ARRB2: variants seen among roughly 807,000 people sequenced by gnomAD.
ARRB2 encodes the protein beta-arrestin-2.
In ARRB2, 21 loss-of-function variants were observed where a neutral mutation model predicts 53.4. That is an observed-to-expected ratio of 0.39 (90% CI 0.28 to 0.57). The LOEUF (loss-of-function observed/expected upper bound fraction) is 0.57, where lower values mean the gene tolerates loss of function less well. Among genes scored for constraint, ARRB2 ranks in the 20% least tolerant of loss-of-function variants. ARRB2 has a pLI of 0.55. For missense variants in ARRB2, 369 were observed against 527.5 expected (o/e 0.70, Z 2.94); for synonymous variants, 180 against 212.9 (o/e 0.85, Z 1.34).
chr17:4,719,656 C>T (rs1416717727), intron 11 of ARRB2, among the ~76,000 whole-genome samples: 2 of 151,928 alleles, frequency 1.3e-5, no homozygotes, highest in South Asian at 2.1e-4. Context: ...CAGTGAGGTG[C>T]GAAGGTGAAT....
Position 4,720,430 on chromosome 17 carries a change from C to T in ARRB2, c.1039C>T (p.Pro347Ser). 1 of 1,613,752 alleles carries T rather than the reference C, an allele frequency of 6.2e-7. No homozygotes were observed. The highest frequency in any genetic ancestry group is 8.5e-7 in the Non-Finnish European group (1 of 1,179,880). Residue 347 changes from proline to serine, a missense_variant, in exon 13 of 15, where the codon CCC (proline) becomes TCC (serine). By Grantham distance (74) the Pro-to-Ser change is moderately conservative. Coordinates refer to ENST00000269260, the MANE Select transcript of ARRB2 (RefSeq NM_004313.4). Reference protein sequence around the residue: ...SVELPFVLMHPKPHDHIPLPR... With the variant: ...SVELPFVLMHSKPHDHIPLPR... Reference sequence around the variant, plus strand: ...GGAGCTGCCTTTTGTTCTTATGCACCCCAAGCCCCACGACCACATCCCCCT... The same window carrying T: ...GGAGCTGCCTTTTGTTCTTATGCACTCCAAGCCCCACGACCACATCCCCCT...
At position 4,717,546 on chromosome 17, in the gene ARRB2, A is replaced by G; in HGVS notation, c.418-139A>G. On this transcript the variant is annotated intron_variant, in intron 6 of 14. Transcript: ENST00000269260. The surrounding 1 kb of genome is among the most constrained non-coding windows in gnomAD (Gnocchi z 6.0). ...TGCCAGGTTCTGGGCTTTGGAGAGG[A>G]AGAAGACTTAGTCCCCAGGGTCGTG... 5.1e-6 allele frequency: 6 copies of G among 1,184,286 alleles called. No individual in the cohort carries two copies. Among genetic ancestry groups the G allele is most frequent in the Non-Finnish European group, 6.1e-6 (5 of 818,398 alleles). The allele number at this position is 1,184,286 out of a possible 1,614,324, so 73.4% of individuals were successfully genotyped here.
intron 4 of ARRB2, 74 bp downstream of exon 4, chr17:4,716,265 C>T (rs1032058672): frequency 2.2e-5 from 36 of 1,607,966 alleles, no homozygotes; most frequent in Middle Eastern, 1.8e-4. Flanking sequence ...CTTGGAAGGG[C>T]GCCCCAGAGA....
At position 4,717,833 on chromosome 17, in the gene ARRB2, G is replaced by C; in HGVS notation, c.486-55G>C. ...GGAGCCCAGGCCCCGTGCGGGGGAGGAGTAGGGTTGGGGTGTGTGAGGAAT... is the reference window on the plus strand; with the variant it reads ...GGAGCCCAGGCCCCGTGCGGGGGAGCAGTAGGGTTGGGGTGTGTGAGGAAT... On this transcript the variant is annotated intron_variant, in intron 7 of 14. Transcript: ENST00000269260. The surrounding 1 kb of genome is among the most constrained non-coding windows in gnomAD (Gnocchi z 6.0). The C allele has an allele frequency of 6.2e-6, 10 of 1,612,794 alleles. No homozygotes were observed. Among genetic ancestry groups the C allele is most frequent in the Non-Finnish European group, 8.5e-6 (10 of 1,179,424 alleles).
At chr17:4,715,073 C>G in intron 2 of ARRB2, 30 bp downstream of exon 2, 1 of 1,600,124 alleles carries the variant, frequency 6.2e-7, no homozygotes, top group Non-Finnish European at 8.5e-7. Context: ...ACCCTTTTGA[C>G]CCTCCCTGGG....
chr17:4,718,375 C>T (rs770188128), intron 9 of ARRB2, 30 bp downstream of exon 9: 27 of 1,586,744 alleles, frequency 1.7e-5, no homozygotes, highest in Non-Finnish European at 2.0e-5. Context: ...AGGGGGTCTT[C>T]GGGGAGGGCG....
intron 1 of ARRB2, among the ~76,000 whole-genome samples, chr17:4,713,484 C>T (rs572096311): frequency 6.6e-6 from 1 of 151,068 alleles, no homozygotes; most frequent in East Asian, 2.0e-4. Context: ...TACCAAAATT[C>T]GCCGGGCGTG....
chr17:4,718,247 C>T lies in ARRB2; in HGVS notation c.622-14C>T, dbSNP rs752955195. 8 of 1,607,406 alleles carry T rather than the reference C, an allele frequency of 5.0e-6. No homozygotes were observed. The South Asian group carries it at 8.9e-5, about 18-fold the overall frequency. ...AAACCAGTTCCAATTCACATGACCC[C>T]CTCCCCCCAAAAGCTGTACTACCAT... On this transcript the variant is annotated splice_polypyrimidine_tract_variant and intron_variant, in intron 8 of 14. Transcript: ENST00000269260.
intron 12 of ARRB2, 47 bp downstream of exon 12, chr17:4,720,346 T>G (rs1236825920): frequency 3.1e-6 from 5 of 1,613,766 alleles, no homozygotes; most frequent in Non-Finnish European, 4.2e-6. Context: ...TGGCTCTCTC[T>G]AGTCCCATGT....
Position 4,717,490 on chromosome 17 carries a change from G to A in ARRB2, c.418-195G>A, listed in dbSNP as rs1233324193. The A allele has an allele frequency of 4.5e-6, 4 of 880,948 alleles. No individual in the cohort carries two copies. The African/African-American group carries it at 5.0e-5, about 11-fold the overall frequency. The allele number at this position is 880,948 out of a possible 1,614,324, so 54.6% of individuals were successfully genotyped here. On this transcript the variant is annotated intron_variant, in intron 6 of 14. Coordinates refer to ENST00000269260, the MANE Select transcript of ARRB2 (RefSeq NM_004313.4). The surrounding 1 kb of genome is among the most constrained non-coding windows in gnomAD (Gnocchi z 6.0). Reference sequence around the variant, plus strand: ...GGACCCGCATGGATCTGGGGATGGGGGCTCCCCTTGCACTACCATGACCAA... The same window carrying A: ...GGACCCGCATGGATCTGGGGATGGGAGCTCCCCTTGCACTACCATGACCAA...
intron 11 of ARRB2, among the ~76,000 whole-genome samples, chr17:4,720,001 C>T (rs953806003): frequency 3.9e-5 from 6 of 152,264 alleles, no homozygotes; most frequent in Admixed American, 1.3e-4. Flanking sequence ...AGGCTGTTAG[C>T]GGAGAAGGAC....
intron 11 of ARRB2, 38 bp downstream of exon 11, chr17:4,719,458 G>A (rs1246096881): frequency 1.9e-6 from 3 of 1,607,866 alleles, no homozygotes; most frequent in Non-Finnish European, 8.5e-7. Flanking sequence ...TGCAGGCCAG[G>A]GGCCAGACGT....
At chr17:4,714,604 G>A (rs920118895) in intron 1 of ARRB2, 1 of 214,846 alleles carries the variant, frequency 4.7e-6, no homozygotes, top group African/African-American at 2.4e-5. Flanking sequence ...GGACCTTCCG[G>A]GAAGAAGGGT....
intron 1 of ARRB2, among the ~76,000 whole-genome samples, chr17:4,713,512 T>G (rs1425994586): frequency 6.6e-6 from 1 of 152,012 alleles, no homozygotes; most frequent in Non-Finnish European, 1.5e-5. Flanking sequence ...GTGCCTGTAG[T>G]CCCAGCTACT....
At chr17:4,715,717 AC>A (rs879430957) in intron 2 of ARRB2, 322 of 459,396 alleles carry the variant, frequency 7.0e-4, no homozygotes, top group South Asian at 1.6e-3. Flanking sequence ...ACACACACAC[AC>A]ACACACAAAC....
intron 1 of ARRB2, among the ~76,000 whole-genome samples, chr17:4,711,424 GTC>G (rs1169905560): frequency 2.0e-5 from 3 of 151,976 alleles, no homozygotes; most frequent in African/African-American, 4.8e-5. Flanking sequence ...CTCTTTTTTG[GTC>G]TCTAGCAAAA....
In ARRB2 at chr17:4,717,425, G is replaced by A; in HGVS notation, c.417+149G>A. On this transcript the variant is annotated intron_variant, in intron 6 of 14. Transcript: ENST00000269260. The surrounding 1 kb of genome is among the most constrained non-coding windows in gnomAD (Gnocchi z 6.0). ...TCCCCCGTGGAAGTGGGGCGTATGT[G>A]GTGGTCATTGTGCACGCATGACACT... 6 of 1,039,420 alleles carry A rather than the reference G, an allele frequency of 5.8e-6. No homozygotes were observed. The highest frequency in any genetic ancestry group is 7.3e-6 in the Non-Finnish European group (5 of 682,358). The allele number at this position is 1,039,420 out of a possible 1,614,324, so 64.4% of individuals were successfully genotyped here.
In ARRB2 at chr17:4,721,475, G is replaced by A. The variant is rs756129897; in HGVS notation, c.*436G>A. On this transcript the variant is annotated 3_prime_UTR_variant, in exon 15 of 15. Coordinates refer to ENST00000269260, the MANE Select transcript of ARRB2 (RefSeq NM_004313.4). This position sits in a 1 kb window ranked among gnomAD's most constrained non-coding sequence, Gnocchi z 4.2. The stretch of plus-strand genomic sequence containing the variant: ...TTTCTTTGTTTCTGAGCATAAAGAA[G>A]AAAATAAATCTTTTACTAAGCATGA... The A allele has an allele frequency of 1.6e-5, 6 of 373,000 alleles. No individual in the cohort carries two copies. Among genetic ancestry groups the A allele is most frequent in the Admixed American group, 8.8e-5 (2 of 22,808 alleles). 23.1% of individuals were successfully genotyped at this position (373,000 alleles called of 1,614,324 possible). A position where few individuals can be genotyped will look rare whatever the true frequency, so the allele number is the denominator to read the frequency against.
intron 1 of ARRB2, chr17:4,714,812 G>A: frequency 2.5e-6 from 1 of 401,600 alleles, no homozygotes; most frequent in Non-Finnish European, 4.4e-6. Flanking sequence ...CGGGAAGAAG[G>A]GTTCCCCTTG....
Sources: allele counts gnomAD v4.1 joint callset (sites outside exome capture counted in the v4.1 genomes callset), GRCh38; gene constraint gnomAD v4.1.1; non-coding constraint Gnocchi (gnomAD v3.1); transcripts MANE v1.5; gene names NCBI Gene and HGNC (gene_info 2026-07-23, HGNC 2026-07-21).